Variants in CRYZ observed in about 807,000 individuals in gnomAD.
The protein encoded by CRYZ is zeta-crystallin.
A neutral mutation model predicts 34.1 loss-of-function variants in CRYZ; 35 were observed. That is an observed-to-expected ratio of 1.03 (90% CI 0.78 to 1.36). The LOEUF (loss-of-function observed/expected upper bound fraction) is 1.36. CRYZ is among the 40% of genes most tolerant of loss of function. The pLI is 0.00. For missense variants in CRYZ, 403 were observed against 391.8 expected (o/e 1.03, Z -0.24); for synonymous variants, 137 against 136.5 (o/e 1.00, Z -0.03).
intron 4 of CRYZ, among the ~76,000 whole-genome samples, chr1:74,717,760 T>G (rs143259352): frequency 1.2e-3 from 177 of 152,350 alleles, no homozygotes; most frequent in African/African-American, 4.0e-3. Flanking sequence ...ATGCATTCAC[T>G]GGATGCTTAA....
chr1:74,706,412 T>C lies in CRYZ; in HGVS notation c.874A>G (p.Ile292Val), dbSNP rs1646930032. 1 of 1,611,620 alleles carries C rather than the reference T, an allele frequency of 6.2e-7. No homozygotes were observed. The highest frequency in any genetic ancestry group is 8.5e-7 in the Non-Finnish European group (1 of 1,179,154). The part of the protein sequence containing the change: ...YAAALQAGME[I>V]GWLKPVIGSQ... ...CCTATCACAGGTTTCAACCAGCCAATTTCCATTCCAGCTTGAAGGGCTGCT... is the reference window on the plus strand; with the variant it reads ...CCTATCACAGGTTTCAACCAGCCAACTTCCATTCCAGCTTGAAGGGCTGCT... Residue 292 changes from isoleucine (I) to valine (V), a missense_variant, in exon 9 of 9, where the codon ATT becomes GTT. Coordinates refer to ENST00000340866, the MANE Select transcript of CRYZ (RefSeq NM_001889.4).
intron 5 of CRYZ, among the ~76,000 whole-genome samples, chr1:74,713,824 T>A (rs1041372780): frequency 2.0e-5 from 3 of 152,118 alleles, no homozygotes; most frequent in African/African-American, 7.2e-5. Context: ...CAAAATCTTA[T>A]CTCCAAAATT....
chr1:74,706,836 G>C lies in CRYZ; in HGVS notation c.828+63C>G, dbSNP rs1646935204. ...TAACATCTATTCAAACTTTCAGCTT[G>C]CCTGAGTAGGCAAACTGTACCAATG... On this transcript the variant is annotated intron_variant, in intron 8 of 8. Coordinates refer to ENST00000340866, the MANE Select transcript of CRYZ (RefSeq NM_001889.4). 1.9e-5 allele frequency: 26 copies of C among 1,355,426 alleles called. 1 individual carries two copies. In the South Asian group the frequency reaches 2.6e-4, roughly 13 times the overall value. The allele number at this position is 1,355,426 out of a possible 1,614,324, so 84.0% of individuals were successfully genotyped here.
intron 4 of CRYZ, among the ~76,000 whole-genome samples, chr1:74,718,212 T>G (rs1254176502): frequency 1.3e-5 from 2 of 152,186 alleles, no homozygotes; most frequent in African/African-American, 4.8e-5. Context: ...CCCCACTAAA[T>G]AGTTATTCTT....
intron 4 of CRYZ, among the ~76,000 whole-genome samples, chr1:74,716,127 C>G (rs751243505): frequency 7.9e-5 from 12 of 151,990 alleles, no homozygotes; most frequent in Non-Finnish European, 1.8e-4. Flanking sequence ...CCCACCGCAA[C>G]AGATTTTAGA....
intron 1 of CRYZ, among the ~76,000 whole-genome samples, chr1:74,731,436 C>T (rs183230094): frequency 3.0e-4 from 46 of 152,278 alleles, no homozygotes; most frequent in Non-Finnish European, 4.9e-4. Context: ...ACAAATTGTT[C>T]TGCTGCTAAT....
chr1:74,723,358 C>A lies in CRYZ; in HGVS notation c.112-88G>T, dbSNP rs780654674. Reference sequence around the variant, plus strand: ...GGACTGTGCTGATTATGGGAGCTATCAAAATGGGAGACAAAAGCAAAACAA... The same window carrying A: ...GGACTGTGCTGATTATGGGAGCTATAAAAATGGGAGACAAAAGCAAAACAA... On this transcript the variant is annotated intron_variant, in intron 2 of 8. Coordinates refer to ENST00000340866, the MANE Select transcript of CRYZ (RefSeq NM_001889.4). 33 of 1,294,570 alleles carry A rather than the reference C, an allele frequency of 2.5e-5. No individual in the cohort carries two copies. In the Admixed American group the frequency reaches 5.1e-4, roughly 20 times the overall value. The allele number at this position is 1,294,570 out of a possible 1,614,324, so 80.2% of individuals were successfully genotyped here.
chr1:74,709,940 T>G (rs977413353), intron 6 of CRYZ, among the ~76,000 whole-genome samples, 158 bp downstream of exon 6: 5 of 146,500 alleles, frequency 3.4e-5, no homozygotes, highest in Non-Finnish European at 7.4e-5. Flanking sequence ...TAGACATCTG[T>G]TTTTTAAATA....
chr1:74,724,404 TG>T, intron 2 of CRYZ, among the ~76,000 whole-genome samples: 1 of 152,336 alleles, frequency 6.6e-6, no homozygotes, highest in South Asian at 2.1e-4. Context: ...CATGAATGTT[TG>T]TAATAGAATA....
chr1:74,716,162 G>A (rs1353494039), intron 4 of CRYZ, among the ~76,000 whole-genome samples: 1 of 151,904 alleles, frequency 6.6e-6, no homozygotes, highest in Non-Finnish European at 1.5e-5. Context: ...ACAATTTCAT[G>A]GGTCAACTCT....
chr1:74,723,337 T>C (rs1647198971), intron 2 of CRYZ, 67 bp from the exon 3 acceptor site: 7 of 1,474,848 alleles, frequency 4.7e-6, no homozygotes, highest in Non-Finnish European at 6.5e-6. Context: ...ATGCTAGGAC[T>C]GTGCTGATTA....
chr1:74,713,929 T>G (rs1647037259), intron 5 of CRYZ, among the ~76,000 whole-genome samples: 1 of 152,148 alleles, frequency 6.6e-6, no homozygotes, highest in Admixed American at 6.6e-5. Flanking sequence ...AGAGGCAGAT[T>G]GGCAGCTAGT....
chr1:74,707,757 T>G (rs1569966325), intron 6 of CRYZ: 2 of 152,286 alleles, frequency 1.3e-5, no homozygotes, highest in Admixed American at 1.3e-4. Flanking sequence ...CACATCTACA[T>G]TATATTCATT....
rs113121464 is a variant in CRYZ, at chr1:74,731,751, C to T, written c.-14+1205G>A. 1.9e-3 allele frequency among the ~76,000 whole-genome samples: 296 copies of T among 152,328 alleles called. 2 individuals are homozygous for T. The highest frequency in any genetic ancestry group is 6.8e-3 in the African/African-American group (284 of 41,562). On this transcript the variant is annotated intron_variant, in intron 1 of 8. Transcript: ENST00000340866. ...CGTAATCACAGTGGCTTCAGAGGGA[C>T]TCGCACAACAATTTCCATTAGCTAC...
chr1:74,714,898 A>G (rs1305221767), intron 4 of CRYZ, among the ~76,000 whole-genome samples: 1 of 152,138 alleles, frequency 6.6e-6, no homozygotes, highest in Non-Finnish European at 1.5e-5. Context: ...ATGTGGTGCT[A>G]CTTCTGAGTG....
chr1:74,731,934 C>T (rs1248837416), intron 1 of CRYZ, among the ~76,000 whole-genome samples: 1 of 152,188 alleles, frequency 6.6e-6, no homozygotes, highest in African/African-American at 2.4e-5. Context: ...GTGGGCGTCA[C>T]AGGGTCAATA....
intron 6 of CRYZ, among the ~76,000 whole-genome samples, chr1:74,709,450 T>C (rs1379070724): frequency 6.6e-6 from 1 of 152,186 alleles, no homozygotes; most frequent in Admixed American, 6.5e-5. Context: ...TTTTCCTTCA[T>C]TTGTAATGAT....
At chr1:74,726,007 C>G (rs751983138) in intron 1 of CRYZ, among the ~76,000 whole-genome samples, 8 of 152,198 alleles carry the variant, frequency 5.3e-5, no homozygotes, top group Non-Finnish European at 1.2e-4. Context: ...CAGCTCTGCC[C>G]CTGTGGCTTT....
At chr1:74,732,365 G>T (rs1456545190) in intron 1 of CRYZ, among the ~76,000 whole-genome samples, 1 of 143,084 alleles carries the variant, frequency 7.0e-6, no homozygotes, top group Non-Finnish European at 1.5e-5. Flanking sequence ...GTGGGAAGGG[G>T]CCCTACCTAG....
Sources: gnomAD v4.1 joint callset for allele counts (sites outside exome capture counted in the v4.1 genomes callset) on GRCh38, gnomAD v4.1.1 for gene constraint, MANE v1.5 for transcripts, NCBI Gene and HGNC (gene_info 2026-07-23, HGNC 2026-07-21) for gene names.